Variants in ARHGAP42 observed in about 807,000 individuals in gnomAD.
ARHGAP42 encodes rho GTPase-activating protein 42.
A neutral mutation model predicts 125.0 loss-of-function variants in ARHGAP42; 63 were observed. That is an observed-to-expected ratio of 0.50 (90% CI 0.41 to 0.62). The LOEUF is 0.62. Ranked by LOEUF, ARHGAP42 falls within the 20% of genes least tolerant of loss-of-function variation. ARHGAP42 has a pLI of 0.00. For missense variants in ARHGAP42, 766 were observed against 1,024.2 expected, an observed-to-expected ratio of 0.75 and a Z score of 3.44; for synonymous variants, 339 against 351.0, an observed-to-expected ratio of 0.97 and a Z score of 0.38.
chr11:100,687,684 G>T lies in ARHGAP42; in HGVS notation c.6G>T (p.Gly2=). ...CCGCTGGCAGCGCCTGTGCCATGGGGCTGCCCACTCTGGAGTTCAGCGATT... is the reference window on the plus strand; with the variant it reads ...CCGCTGGCAGCGCCTGTGCCATGGGTCTGCCCACTCTGGAGTTCAGCGATT... M[G]LPTLEFSDSY... is the part of the protein sequence containing the mutation. Residue 2 remains glycine, a synonymous_variant, in exon 1 of 24, where the codon GGG becomes GGT. Coordinates refer to ENST00000298815, the MANE Select transcript of ARHGAP42 (RefSeq NM_152432.4). 9 of 1,529,516 alleles carry T rather than the reference G, an allele frequency of 5.9e-6. No individual in the cohort carries two copies. Among genetic ancestry groups the T allele is most frequent in the South Asian group, 1.2e-5 (1 of 81,504 alleles). The allele number at this position is 1,529,516 out of a possible 1,614,324, so 94.7% of individuals were successfully genotyped here.
At chr11:100,908,948 A>C (rs595151) in intron 4 of ARHGAP42, among the ~76,000 whole-genome samples, 84,986 of 152,032 alleles carry the variant, frequency 0.56, 25,664 homozygotes, top group African/African-American at 0.74. Flanking sequence ...ATGGTATCTC[A>C]TTGTGGTTTT....
chr11:100,807,551 A>G (rs774757595), intron 3 of ARHGAP42, among the ~76,000 whole-genome samples: 1 of 152,150 alleles, frequency 6.6e-6, no homozygotes, highest in Non-Finnish European at 1.5e-5. Context: ...ACAGCCTGTA[A>G]ATGAGTTACT....
At position 100,910,978 on chromosome 11, in the gene ARHGAP42, A is replaced by T. The variant is rs72993952; in HGVS notation, c.385-2474A>T. Among the ~76,000 whole-genome samples, 473 of 152,272 alleles carry T rather than the reference A, an allele frequency of 3.1e-3. 4 individuals are homozygous for T. Among genetic ancestry groups the T allele is most frequent in the Non-Finnish European group, 4.5e-3 (305 of 68,020 alleles). On this transcript the variant is annotated intron_variant, in intron 4 of 23. Transcript: ENST00000298815. ...TGGCTCCAAATTAACATTTCCAAAA[A>T]TGTCACCCTACACAAACTGAAAACA...
At chr11:100,780,453 A>G (rs1251928427) in intron 2 of ARHGAP42, among the ~76,000 whole-genome samples, 2 of 152,198 alleles carry the variant, frequency 1.3e-5, no homozygotes, top group East Asian at 1.9e-4. Context: ...TGTATTGGTA[A>G]CCCCAAAAGC....
intron 23 of ARHGAP42, among the ~76,000 whole-genome samples, 195 bp from the exon 24 acceptor site, chr11:100,988,518 G>T (rs1858746900): frequency 6.6e-6 from 1 of 152,134 alleles, no homozygotes; most frequent in African/African-American, 2.4e-5. Flanking sequence ...TGTCCCTAGG[G>T]TATATGCAAA....
chr11:100,819,808 A>T (rs568450911), intron 3 of ARHGAP42, among the ~76,000 whole-genome samples: 35 of 152,288 alleles, frequency 2.3e-4, no homozygotes, highest in African/African-American at 8.4e-4. Flanking sequence ...TAGAATAATG[A>T]AAGGGCTCAA....
At chr11:100,930,247 A>G (rs1867538639) in intron 6 of ARHGAP42, among the ~76,000 whole-genome samples, 1 of 152,246 alleles carries the variant, frequency 6.6e-6, no homozygotes, top group Non-Finnish European at 1.5e-5. Flanking sequence ...ATATGTGGGA[A>G]GTGCAATTCT....
chr11:100,978,341 A>G (rs2135323863), intron 21 of ARHGAP42, among the ~76,000 whole-genome samples: 1 of 152,288 alleles, frequency 6.6e-6, no homozygotes, highest in Non-Finnish European at 1.5e-5. Context: ...TTAGAACATC[A>G]AGGAATTTTA....
chr11:100,739,473 A>G (rs1175663678), intron 1 of ARHGAP42, among the ~76,000 whole-genome samples: 1 of 152,190 alleles, frequency 6.6e-6, no homozygotes, highest in Non-Finnish European at 1.5e-5. Context: ...TCTTTTCCTT[A>G]ATTGAGTTTC....
intron 3 of ARHGAP42, among the ~76,000 whole-genome samples, chr11:100,840,936 C>T (rs1022478443): frequency 6.6e-6 from 1 of 152,122 alleles, no homozygotes; most frequent in Non-Finnish European, 1.5e-5. Flanking sequence ...CTTTGGGCTT[C>T]AGTCTCCTTA....
At chr11:100,976,739 G>C in intron 20 of ARHGAP42, 76 bp from the exon 21 acceptor site, 2 of 1,499,648 alleles carry the variant, frequency 1.3e-6, no homozygotes, top group South Asian at 2.6e-5. Flanking sequence ...GCTTCCTTTT[G>C]TTATGCACAT....
intron 1 of ARHGAP42, among the ~76,000 whole-genome samples, chr11:100,737,088 C>T (rs538192077): frequency 6.6e-6 from 1 of 152,198 alleles, no homozygotes; most frequent in South Asian, 2.1e-4. Context: ...ATCTCAGAGA[C>T]ATAAGGAAAT....
intron 1 of ARHGAP42, among the ~76,000 whole-genome samples, chr11:100,695,790 C>T (rs1861267889): frequency 6.6e-6 from 1 of 152,194 alleles, no homozygotes. Flanking sequence ...AGCTAATAAT[C>T]TGTCAGTTGT....
intron 12 of ARHGAP42, among the ~76,000 whole-genome samples, chr11:100,954,872 A>G (rs956592563): frequency 3.3e-5 from 5 of 152,150 alleles, no homozygotes; most frequent in African/African-American, 1.2e-4. Context: ...TTTTTTATTT[A>G]TTTCAGTTAA....
intron 2 of ARHGAP42, among the ~76,000 whole-genome samples, chr11:100,784,118 A>G (rs1462068557): frequency 6.6e-6 from 1 of 152,182 alleles, no homozygotes; most frequent in Admixed American, 6.5e-5. Context: ...ATGGTTAGGT[A>G]TGATGCAGAC....
chr11:100,941,685 G>T (rs1282000189), intron 8 of ARHGAP42, 99 bp from the exon 9 acceptor site: 2 of 655,202 alleles, frequency 3.1e-6, no homozygotes, highest in Non-Finnish European at 5.1e-6. Flanking sequence ...TGGTATAGGA[G>T]AGATAATCGG....
At chr11:100,762,113 A>G (rs528727540) in intron 1 of ARHGAP42, among the ~76,000 whole-genome samples, 1 of 152,344 alleles carries the variant, frequency 6.6e-6, no homozygotes, top group South Asian at 2.1e-4. Context: ...TAAGACATCG[A>G]AAACAGATGC....
At chr11:100,794,610 G>A (rs1165213198) in intron 2 of ARHGAP42, among the ~76,000 whole-genome samples, 1 of 152,206 alleles carries the variant, frequency 6.6e-6, no homozygotes, top group Non-Finnish European at 1.5e-5. Context: ...GTATATGGAA[G>A]CTGTTTTCAA....
At chr11:100,750,702 G>A (rs550768028) in intron 1 of ARHGAP42, among the ~76,000 whole-genome samples, 1 of 152,212 alleles carries the variant, frequency 6.6e-6, no homozygotes, top group East Asian at 1.9e-4. Context: ...ATGAGTCAGG[G>A]TGGAGAATGA....
Sources: allele counts gnomAD v4.1 joint callset (sites outside exome capture counted in the v4.1 genomes callset), GRCh38; gene constraint gnomAD v4.1.1; transcripts MANE v1.5; gene names NCBI Gene and HGNC (gene_info 2026-07-23, HGNC 2026-07-21).